Variants in MACROD2 observed in about 807,000 individuals in gnomAD.
MACROD2 encodes the protein ADP-ribose glycohydrolase MACROD2.
Under a neutral mutation model 70.4 loss-of-function variants are expected in MACROD2, and 36 were observed. That is an observed-to-expected ratio of 0.51 (90% CI 0.39 to 0.68). MACROD2 has a LOEUF of 0.68. Ranked by LOEUF, MACROD2 falls within the 30% of genes least tolerant of loss-of-function variation. The pLI is 0.00. For missense variants in MACROD2, 496 were observed against 538.4 expected (o/e 0.92, Z 0.78); for synonymous variants, 172 against 178.8 (o/e 0.96, Z 0.30).
chr20:14,985,120 G>A (rs2074836831), intron 5 of MACROD2, among the ~76,000 whole-genome samples: 1 of 152,044 alleles, frequency 6.6e-6, no homozygotes, highest in South Asian at 2.1e-4. Flanking sequence ...GACCTAGGAG[G>A]GATTTCTTAG....
intron 2 of MACROD2, among the ~76,000 whole-genome samples, chr20:14,071,282 A>C (rs1444597226): frequency 4.1e-5 from 1 of 24,402 alleles, no homozygotes; most frequent in Non-Finnish European, 1.1e-4. Flanking sequence ...TTTTTTTGAG[A>C]TGGAGTCTTG....
At chr20:16,025,300 G>A (rs2067062164) in intron 15 of MACROD2, among the ~76,000 whole-genome samples, 1 of 152,180 alleles carries the variant, frequency 6.6e-6, no homozygotes, top group African/African-American at 2.4e-5. Context: ...CTTGACAACT[G>A]CAGGAACAGC....
At chr20:15,574,821 A>G (rs1421063944) in intron 8 of MACROD2, among the ~76,000 whole-genome samples, 1 of 152,184 alleles carries the variant, frequency 6.6e-6, no homozygotes. Context: ...GGCATGAGCA[A>G]ATGGCTGCAT....
At chr20:15,581,493 T>C (rs1051911337) in intron 8 of MACROD2, among the ~76,000 whole-genome samples, 2 of 152,224 alleles carry the variant, frequency 1.3e-5, no homozygotes, top group South Asian at 2.1e-4. Flanking sequence ...GAAAGGGATA[T>C]GTAGAATTGT....
At chr20:14,450,063 A>C (rs2084227750) in intron 3 of MACROD2, among the ~76,000 whole-genome samples, 1 of 152,116 alleles carries the variant, frequency 6.6e-6, no homozygotes, top group Admixed American at 6.6e-5. Context: ...AGGTATAGTC[A>C]CTAAAAAATT....
intron 5 of MACROD2, among the ~76,000 whole-genome samples, chr20:15,212,140 C>T (rs2076769423): frequency 6.6e-6 from 1 of 152,124 alleles, no homozygotes; most frequent in South Asian, 2.1e-4. Context: ...ACTTATTGGC[C>T]ATTTGTGTAT....
intron 3 of MACROD2, among the ~76,000 whole-genome samples, chr20:14,202,016 C>T (rs1292189287): frequency 2.6e-5 from 4 of 151,880 alleles, no homozygotes; most frequent in Admixed American, 1.3e-4. Context: ...GACTATAATA[C>T]TGAGACTCCT....
At chr20:15,136,877 C>A (rs1224031869) in intron 5 of MACROD2, among the ~76,000 whole-genome samples, 2 of 145,630 alleles carry the variant, frequency 1.4e-5, no homozygotes, top group Non-Finnish European at 3.1e-5. Flanking sequence ...AAAAAAACAA[C>A]CCCATCAAAA....
At chr20:15,662,789 T>A (rs1255892115) in intron 8 of MACROD2, among the ~76,000 whole-genome samples, 1 of 151,804 alleles carries the variant, frequency 6.6e-6, no homozygotes, top group Non-Finnish European at 1.5e-5. Flanking sequence ...TAGTGGCCAA[T>A]ATTTTCATAT....
intron 4 of MACROD2, among the ~76,000 whole-genome samples, chr20:14,670,082 T>C (rs983814212): frequency 2.0e-5 from 3 of 152,006 alleles, no homozygotes; most frequent in African/African-American, 4.8e-5. Flanking sequence ...TAAAAAAAGG[T>C]ATGTTGCCGA....
chr20:14,772,654 G>A (rs757031827), intron 5 of MACROD2, among the ~76,000 whole-genome samples: 12 of 151,998 alleles, frequency 7.9e-5, no homozygotes, highest in Non-Finnish European at 1.5e-4. Context: ...ATGAGATTTC[G>A]GTGGGGACAC....
intron 15 of MACROD2, among the ~76,000 whole-genome samples, chr20:16,019,276 A>G (rs574744720): frequency 2.2e-4 from 34 of 152,304 alleles, no homozygotes; most frequent in Non-Finnish European, 3.5e-4. Flanking sequence ...ATTTTTTTAT[A>G]TACTGTAGAG....
At chr20:14,720,569 T>TTTTTTTTTTTTTTTTGTTTTTG (rs531072431) in intron 5 of MACROD2, among the ~76,000 whole-genome samples, 1 of 84,094 alleles carries the variant, frequency 1.2e-5, no homozygotes, top group African/African-American at 4.7e-5. Context: ...TTTTTTTTTT[T>TTTTTTTTTTTTTTTTGTTTTTG]TGTGAGGCAG....
chr20:15,399,105 A>G (rs1206843594), intron 6 of MACROD2, among the ~76,000 whole-genome samples: 1 of 152,164 alleles, frequency 6.6e-6, no homozygotes, highest in African/African-American at 2.4e-5. Context: ...GGGAGTGGCT[A>G]TCTCCCCTGG....
At position 15,040,822 on chromosome 20, in the gene MACROD2, G is replaced by A. The variant is rs145567006; in HGVS notation, c.419-189118G>A. Reference sequence around the variant, plus strand: ...TTTGTAATATTTGTAATATATTTAAGTAACTCTAGAGTCTTGGCTTTTAAC... The same window carrying A: ...TTTGTAATATTTGTAATATATTTAAATAACTCTAGAGTCTTGGCTTTTAAC... On this transcript the variant is annotated intron_variant, in intron 5 of 17. Transcript: ENST00000684519. Among the ~76,000 whole-genome samples the A allele has an allele frequency of 4.4e-4, 67 of 152,282 alleles. No individual in the cohort carries two copies. In the Middle Eastern group the frequency reaches 0.01, roughly 23 times the overall value.
chr20:15,611,640 A>G (rs1336839323), intron 8 of MACROD2, among the ~76,000 whole-genome samples: 1 of 151,722 alleles, frequency 6.6e-6, no homozygotes, highest in East Asian at 1.9e-4. Flanking sequence ...TCTTGTGATT[A>G]ATTACCTGTG....
intron 5 of MACROD2, among the ~76,000 whole-genome samples, chr20:15,202,217 G>C (rs1466201759): frequency 1.3e-5 from 2 of 152,168 alleles, no homozygotes; most frequent in Non-Finnish European, 2.9e-5. Context: ...TCCAAATCAA[G>C]AGATAATGAT....
intron 10 of MACROD2, among the ~76,000 whole-genome samples, chr20:15,894,610 A>G (rs1200322577): frequency 1.3e-5 from 2 of 150,038 alleles, no homozygotes; most frequent in African/African-American, 4.9e-5. Context: ...AACAGATGTG[A>G]CCCCTCCTCT....
chr20:14,513,252 G>T (rs2085050877), intron 4 of MACROD2, among the ~76,000 whole-genome samples: 1 of 152,090 alleles, frequency 6.6e-6, no homozygotes, highest in Non-Finnish European at 1.5e-5. Context: ...AGACTTCTCA[G>T]TTACTGTATG....
Sources: gnomAD v4.1 joint callset for allele counts (sites outside exome capture counted in the v4.1 genomes callset) on GRCh38, gnomAD v4.1.1 for gene constraint, MANE v1.5 for transcripts, NCBI Gene and HGNC (gene_info 2026-07-23, HGNC 2026-07-21) for gene names.